KCNAB2: variants seen among roughly 807,000 people sequenced by gnomAD.
The protein encoded by KCNAB2 is voltage-gated potassium channel subunit beta-2.
Under a neutral mutation model 63.6 loss-of-function variants are expected in KCNAB2, and 29 were observed. That is an observed-to-expected ratio of 0.46 (90% CI 0.34 to 0.62). KCNAB2 has a LOEUF of 0.62. KCNAB2 is among the 20% of genes least tolerant of loss of function. The pLI, the probability that KCNAB2 is intolerant of heterozygous loss-of-function variation, is 0.01. For synonymous variants in KCNAB2, 222 were observed against 224.2 expected, an observed-to-expected ratio of 0.99 and a Z score of 0.09; for missense variants, 359 against 563.9, an observed-to-expected ratio of 0.64 and a Z score of 3.68.
Position 6,051,668 on chromosome 1 carries a change from C to G in KCNAB2, c.132C>G (p.Ala44=), listed in dbSNP as rs1661404533. Residue 44 remains alanine (A), a synonymous_variant, in exon 2 of 16, where the codon GCC becomes GCG. Transcript: ENST00000378083. ...GGCTGCGGGAGGTGCGGGCGGCTGC[C>G]CAGGCCAGGAACATGGAGAGCTTCC... ...LQRLREVRAA[A]QARNMESFLR... The G allele has an allele frequency of 1.3e-6, 2 of 1,533,974 alleles. No homozygotes were observed. The highest frequency in any genetic ancestry group is 4.9e-5 in the East Asian group (2 of 40,918).
intron 1 of KCNAB2, among the ~76,000 whole-genome samples, chr1:6,016,525 C>G (rs1658509981): frequency 6.6e-6 from 1 of 152,252 alleles, no homozygotes; most frequent in East Asian, 1.9e-4. Context: ...GAGGCGTTTT[C>G]ACGAGGCCTG....
rs1016147195 is a variant in KCNAB2 at position 6,100,102 on chromosome 1, C to T, written c.*1528C>T. 2.1e-6 allele frequency: 3 copies of T among 1,446,622 alleles called. No homozygotes were observed. In the African/African-American group the frequency reaches 4.3e-5, roughly 21 times the overall value. The allele number at this position is 1,446,622 out of a possible 1,614,324, so 89.6% of individuals were successfully genotyped here. On this transcript the variant is annotated 3_prime_UTR_variant, in exon 16 of 16. Transcript: ENST00000378083. ...TGTTCCCGCTTTGCCCCTGGAGGAG[C>T]CACTATTCCAGAAGGCTCCACCCTG...
upstream of KCNAB2, among the ~76,000 whole-genome samples, chr1:6,043,906 G>A (rs561080407): frequency 1.3e-5 from 2 of 152,344 alleles, no homozygotes; most frequent in East Asian, 3.9e-4. Flanking sequence ...TCTGCGGGTT[G>A]ACCAGGCAGC....
At position 6,092,905 on chromosome 1, in the gene KCNAB2, G is replaced by C. The variant is rs79733267; in HGVS notation, c.647-1495G>C. On this transcript the variant is annotated intron_variant, in intron 10 of 15. Coordinates refer to ENST00000378083, the MANE Select transcript of KCNAB2 (RefSeq NM_001199862.2). ...GGGTGGTTTGCCAGGGGTCCTGGGT[G>C]AGTCTGCCGAGACCACCACTCCAGA... Among the ~76,000 whole-genome samples the C allele has an allele frequency of 5.3e-3, 802 of 152,330 alleles. 3 individuals are homozygous for C. The highest frequency in any genetic ancestry group is 0.018 in the African/African-American group (754 of 41,572).
chr1:6,045,323 G>A (rs766421202), upstream of KCNAB2, among the ~76,000 whole-genome samples: 8 of 152,144 alleles, frequency 5.3e-5, no homozygotes, highest in Non-Finnish European at 7.3e-5. This position sits in a 1 kb window ranked among gnomAD's most constrained non-coding sequence, Gnocchi z 4.8. Flanking sequence ...CCTGTGACAC[G>A]CAGTGACCCT....
intron 1 of KCNAB2, among the ~76,000 whole-genome samples, chr1:6,020,208 A>G (rs1658741360): frequency 6.6e-6 from 1 of 152,168 alleles, no homozygotes; most frequent in Non-Finnish European, 1.5e-5. Flanking sequence ...ATCAAAGCAA[A>G]TTGATTCGGT....
chr1:6,017,510 C>T (rs1232136681), intron 1 of KCNAB2, among the ~76,000 whole-genome samples: 1 of 151,814 alleles, frequency 6.6e-6, no homozygotes. Context: ...AGAGATTTAC[C>T]CACCAGGCAT....
At chr1:6,015,855 C>T (rs1160523091) in intron 1 of KCNAB2, among the ~76,000 whole-genome samples, 1 of 152,122 alleles carries the variant, frequency 6.6e-6, no homozygotes, top group East Asian at 1.9e-4. Context: ...CAGGCATGCG[C>T]CACCACGCCT....
In KCNAB2 at chr1:6,098,935, G is replaced by A. The variant is rs11542389; in HGVS notation, c.*361G>A. On this transcript the variant is annotated 3_prime_UTR_variant, in exon 16 of 16. Coordinates refer to ENST00000378083, the MANE Select transcript of KCNAB2 (RefSeq NM_001199862.2). ...CCAAGGTTCCCAAAGTCAAGGCCAG[G>A]CCAAGGCCTGGTTGGGTCCTTGGGG... is the stretch of plus-strand genomic sequence containing the variant. The A allele has an allele frequency of 0.11, 22,215 of 207,706 alleles. 1,668 individuals are homozygous for A. Among genetic ancestry groups the A allele is most frequent in the East Asian group, 0.37 (2,615 of 7,098 alleles). 12.9% of individuals were successfully genotyped at this position (207,706 alleles called of 1,614,324 possible).
At chr1:6,026,951 T>C (rs1292699764) in intron 1 of KCNAB2, among the ~76,000 whole-genome samples, 1 of 152,160 alleles carries the variant, frequency 6.6e-6, no homozygotes, top group Non-Finnish European at 1.5e-5. Context: ...TGAACATGGA[T>C]GGCGTGGGTC....
Position 6,100,233 on chromosome 1 carries a change from G to T in KCNAB2, c.*1659G>T. The T allele has an allele frequency of 1.3e-6, 1 of 763,912 alleles. No homozygotes were observed. The highest frequency in any genetic ancestry group is 1.9e-6 in the Non-Finnish European group (1 of 521,566). The allele number at this position is 763,912 out of a possible 1,614,324, so 47.3% of individuals were successfully genotyped here. On this transcript the variant is annotated 3_prime_UTR_variant, in exon 16 of 16. Transcript: ENST00000378083. The stretch of plus-strand genomic sequence containing the variant: ...GAGGCTGGGGCGAGGGGAGGAGGGG[G>T]ATCAGCTTCTGCTATTACCGACCCC...
chr1:5,994,997 G>A lies in KCNAB2; in HGVS notation c.-53+2209G>A, dbSNP rs956199975. ...GTGTGGAAGGAGAGCCTGCTCCCTC[G>A]CGAGAACCAGGGGACCGTGCTTCTG... On this transcript the variant is annotated intron_variant, in intron 1 of 16. Transcript: ENST00000341524. The surrounding 1 kb of genome is among the most constrained non-coding windows in gnomAD (Gnocchi z 5.4). 2.6e-5 allele frequency among the ~76,000 whole-genome samples: 4 copies of A among 152,136 alleles called. No homozygotes were observed. The highest frequency in any genetic ancestry group is 5.9e-5 in the Non-Finnish European group (4 of 68,028).
Position 6,073,895 on chromosome 1 carries a change from T to G in KCNAB2, c.300+125T>G. On this transcript the variant is annotated intron_variant, in intron 4 of 15. Coordinates refer to ENST00000378083, the MANE Select transcript of KCNAB2 (RefSeq NM_001199862.2). The surrounding 1 kb of genome is among the most constrained non-coding windows in gnomAD (Gnocchi z 5.7). Reference sequence around the variant, plus strand: ...GCCAGCGCAGCAGCCTCCCTCCCTCTTTCTGTTTTGTGAGGGCGCCCTGCC... The same window carrying G: ...GCCAGCGCAGCAGCCTCCCTCCCTCGTTCTGTTTTGTGAGGGCGCCCTGCC... 9.8e-7 allele frequency: 1 copy of G among 1,023,362 alleles called. No individual in the cohort carries two copies. Among genetic ancestry groups the G allele is most frequent in the Admixed American group, 1.9e-5 (1 of 53,674 alleles). 63.4% of individuals were successfully genotyped at this position (1,023,362 alleles called of 1,614,324 possible).
At chr1:6,091,993 G>A (rs936305460) in intron 10 of KCNAB2, among the ~76,000 whole-genome samples, 11 of 152,168 alleles carry the variant, frequency 7.2e-5, no homozygotes, top group Non-Finnish European at 1.5e-4. Flanking sequence ...CACAGCTAAC[G>A]GCCCCAGGAC....
At chr1:6,060,885 G>C (rs1050345150) in intron 2 of KCNAB2, among the ~76,000 whole-genome samples, 17 of 128,816 alleles carry the variant, frequency 1.3e-4, no homozygotes, top group Non-Finnish European at 2.5e-4. Flanking sequence ...CCTGGCAACA[G>C]AGCAAGACTC....
In KCNAB2 at chr1:6,087,470, G is replaced by A; in HGVS notation, c.429G>A (p.Arg143=). ...TTCTTTCTCTTCTGTTCCACAGGCGGTCCAGCCTCGTCATCACCACCAAGA... is the reference window on the plus strand; with the variant it reads ...TTCTTTCTCTTCTGTTCCACAGGCGATCCAGCCTCGTCATCACCACCAAGA... The part of the protein sequence containing the change: ...GNIIKKKGWR[R]SSLVITTKIF... The change falls in exon 7 of 16, where the codon CGG becomes CGA. Residue 143 remains arginine, a synonymous_variant. Coordinates refer to ENST00000378083, the MANE Select transcript of KCNAB2 (RefSeq NM_001199862.2). This position sits in a 1 kb window ranked among gnomAD's most constrained non-coding sequence, Gnocchi z 6.4. 1.2e-6 allele frequency: 2 copies of A among 1,614,138 alleles called. No individual in the cohort carries two copies. The highest frequency in any genetic ancestry group is 1.7e-6 in the Non-Finnish European group (2 of 1,179,998).
rs781628790 is a variant in KCNAB2 at position 6,095,517 on chromosome 1, T to G, written c.854-13T>G. On this transcript the variant is annotated splice_polypyrimidine_tract_variant and intron_variant, in intron 12 of 15. Coordinates refer to ENST00000378083, the MANE Select transcript of KCNAB2 (RefSeq NM_001199862.2). Reference sequence around the variant, plus strand: ...GGGCCCAGGGCTTGACTCCACCTGCTTTTCCTCTTCAGGAGTGGGCGCCAT... The same window carrying G: ...GGGCCCAGGGCTTGACTCCACCTGCGTTTCCTCTTCAGGAGTGGGCGCCAT... 1.3e-6 allele frequency: 2 copies of G among 1,591,184 alleles called. No individual in the cohort carries two copies. The highest frequency in any genetic ancestry group is 1.7e-6 in the Non-Finnish European group (2 of 1,166,412).
chr1:6,090,529 C>A, intron 9 of KCNAB2, 54 bp downstream of exon 9: 2 of 1,424,948 alleles, frequency 1.4e-6, no homozygotes, highest in Non-Finnish European at 2.0e-6. Context: ...TCTGAAGGGT[C>A]TGAACCTGGG....
intron 1 of KCNAB2, among the ~76,000 whole-genome samples, chr1:6,049,156 G>C (rs531652377): frequency 6.6e-6 from 1 of 152,182 alleles, no homozygotes; most frequent in Non-Finnish European, 1.5e-5. Flanking sequence ...AGCCAGCCCC[G>C]CCCCCACCAA....
Sources: allele counts gnomAD v4.1 joint callset (sites outside exome capture counted in the v4.1 genomes callset), GRCh38; gene constraint gnomAD v4.1.1; non-coding constraint Gnocchi (gnomAD v3.1); transcripts MANE v1.5; gene names NCBI Gene and HGNC (gene_info 2026-07-23, HGNC 2026-07-21).